MECOM: variants seen among roughly 807,000 people sequenced by gnomAD.
MECOM encodes MDS1 and EVI1 complex locus.
MECOM carries 13 observed loss-of-function variants against 116.3 expected under a neutral mutation model. That is an observed-to-expected ratio of 0.11 (90% CI 0.07 to 0.18). The LOEUF (loss-of-function observed/expected upper bound fraction) is 0.18, where lower values mean the gene tolerates loss of function less well. MECOM is among the 10% of genes least tolerant of loss of function. The pLI, the probability that MECOM is intolerant of heterozygous loss-of-function variation, is 1.00. For synonymous variants in MECOM, 528 were observed against 535.2 expected, an observed-to-expected ratio of 0.99 and a Z score of 0.19; for missense variants, 1,299 against 1,509.0, an observed-to-expected ratio of 0.86 and a Z score of 2.31.
At chr3:169,160,083 T>C (rs1257301675) in intron 2 of MECOM, among the ~76,000 whole-genome samples, 1 of 152,184 alleles carries the variant, frequency 6.6e-6, no homozygotes, top group Non-Finnish European at 1.5e-5. Context: ...CATCTTTATA[T>C]CAAAAGAGAA....
At chr3:169,461,474 C>CTTTATTT (rs1468229275) in intron 1 of MECOM, among the ~76,000 whole-genome samples, 5 of 152,196 alleles carry the variant, frequency 3.3e-5, no homozygotes, top group African/African-American at 9.6e-5. Flanking sequence ...TATACAGAAT[C>CTTTATTT]TTTATTTTTC....
At chr3:169,434,857 ATG>A (rs1432273848) in intron 1 of MECOM, among the ~76,000 whole-genome samples, 1 of 152,182 alleles carries the variant, frequency 6.6e-6, no homozygotes, top group East Asian at 1.9e-4. Context: ...ATCTTTTATG[ATG>A]TGTTACAAGG....
chr3:169,211,232 C>T (rs758370385), intron 2 of MECOM, among the ~76,000 whole-genome samples: 3 of 152,132 alleles, frequency 2.0e-5, no homozygotes, highest in Non-Finnish European at 4.4e-5. Flanking sequence ...TGCGATCTCT[C>T]TCTTTTGAGA....
chr3:169,639,931 C>A (rs1349334151), intron 1 of MECOM, among the ~76,000 whole-genome samples: 1 of 152,068 alleles, frequency 6.6e-6, no homozygotes, highest in Non-Finnish European at 1.5e-5. Flanking sequence ...GCTATGTGTC[C>A]CATTCTGGGC....
At chr3:169,139,979 A>G (rs753590221) in intron 3 of MECOM, among the ~76,000 whole-genome samples, 14 of 151,792 alleles carry the variant, frequency 9.2e-5, no homozygotes, top group Non-Finnish European at 1.8e-4. Flanking sequence ...AAAAAACAAT[A>G]TATCATGTAG....
At chr3:169,474,244 C>CAACA (rs1353635008) in intron 1 of MECOM, among the ~76,000 whole-genome samples, 2 of 152,190 alleles carry the variant, frequency 1.3e-5, no homozygotes, top group African/African-American at 4.8e-5. Context: ...GAGCAAACAA[C>CAACA]AACAAACTTC....
chr3:169,122,711 G>T lies in MECOM; in HGVS notation c.847C>A (p.Leu283Met). The change falls in exon 6 of 17, where the codon CTG becomes ATG. Residue 283 changes from leucine (L) to methionine (M), a missense_variant. Physicochemically the swap from Leu to Met is conservative, Grantham distance 15. Transcript: ENST00000651503. ...TATTCCCTCTCTTCAGTATGTGACAGCATGTGTTTCTCCAGGCTGTTAAGA... is the reference window on the plus strand; with the variant it reads ...TATTCCCTCTCTTCAGTATGTGACATCATGTGTTTCTCCAGGCTGTTAAGA... ...PDLQSLEKHMLSHTEEREYKC... is the reference protein window; with the variant it reads ...PDLQSLEKHMMSHTEEREYKC... The T allele has an allele frequency of 6.2e-7, 1 of 1,613,740 alleles. No homozygotes were observed. The highest frequency in any genetic ancestry group is 8.5e-7 in the Non-Finnish European group (1 of 1,179,732).
intron 1 of MECOM, among the ~76,000 whole-genome samples, chr3:169,589,835 T>C (rs965460746): frequency 6.6e-6 from 1 of 152,224 alleles, no homozygotes; most frequent in African/African-American, 2.4e-5. Flanking sequence ...AACAAATCTG[T>C]GTTCAAATCA....
intron 2 of MECOM, among the ~76,000 whole-genome samples, chr3:169,252,689 G>A (rs1756397093): frequency 6.6e-6 from 1 of 152,098 alleles, no homozygotes; most frequent in African/African-American, 2.4e-5. Flanking sequence ...GGAACTACAA[G>A]TTTATGCGGT....
chr3:169,098,014 C>T (rs959487240), intron 12 of MECOM, among the ~76,000 whole-genome samples: 4 of 151,980 alleles, frequency 2.6e-5, no homozygotes, highest in Non-Finnish European at 4.4e-5. Context: ...GTATCATTTA[C>T]ATACCATTTT....
intron 2 of MECOM, among the ~76,000 whole-genome samples, chr3:169,259,314 A>G (rs1757248164): frequency 6.6e-6 from 1 of 152,216 alleles, no homozygotes; most frequent in Non-Finnish European, 1.5e-5. Flanking sequence ...AGATACCGAC[A>G]CCGGCTCAAA....
At chr3:169,455,351 G>A (rs1392689958) in intron 1 of MECOM, among the ~76,000 whole-genome samples, 4 of 152,170 alleles carry the variant, frequency 2.6e-5, no homozygotes, top group South Asian at 2.1e-4. Context: ...AAAATAAAGT[G>A]TATCTCCGCG....
At chr3:169,553,024 G>T (rs539832352) in intron 1 of MECOM, among the ~76,000 whole-genome samples, 1 of 151,728 alleles carries the variant, frequency 6.6e-6, no homozygotes, top group African/African-American at 2.4e-5. Context: ...TAACTGAAAT[G>T]ACCTCAGAGG....
intron 2 of MECOM, among the ~76,000 whole-genome samples, chr3:169,256,053 T>C (rs1309544324): frequency 6.6e-6 from 1 of 152,208 alleles, no homozygotes; most frequent in African/African-American, 2.4e-5. Flanking sequence ...AAATATTCAT[T>C]CTCTGGTTTT....
chr3:169,509,627 T>C (rs1755711141), intron 1 of MECOM, among the ~76,000 whole-genome samples: 1 of 152,252 alleles, frequency 6.6e-6, no homozygotes, highest in Non-Finnish European at 1.5e-5. Context: ...CTTTTGTCTC[T>C]GGCTTATATC....
chr3:169,634,401 A>G (rs1440684959), intron 1 of MECOM, among the ~76,000 whole-genome samples: 1 of 152,220 alleles, frequency 6.6e-6, no homozygotes, highest in African/African-American at 2.4e-5. Flanking sequence ...CAGGAGCATC[A>G]CAAGTAAGTT....
At chr3:169,268,018 T>G (rs902222043) in intron 2 of MECOM, among the ~76,000 whole-genome samples, 1 of 152,094 alleles carries the variant, frequency 6.6e-6, no homozygotes, top group Non-Finnish European at 1.5e-5. Flanking sequence ...CACAACCAAT[T>G]AGTTATTACG....
chr3:169,660,804 G>T (rs960036853), intron 1 of MECOM, among the ~76,000 whole-genome samples: 1 of 152,292 alleles, frequency 6.6e-6, no homozygotes, highest in Admixed American at 6.5e-5. Flanking sequence ...ACAAAAATCT[G>T]TAGTTTTAAT....
intron 2 of MECOM, among the ~76,000 whole-genome samples, chr3:169,370,853 G>C (rs1255120875): frequency 6.6e-6 from 1 of 151,888 alleles, no homozygotes. Context: ...CCTCTCAGCT[G>C]TTAGAATGAC....
Sources: allele counts gnomAD v4.1 joint callset (sites outside exome capture counted in the v4.1 genomes callset), GRCh38; gene constraint gnomAD v4.1.1; transcripts MANE v1.5; gene names NCBI Gene and HGNC (gene_info 2026-07-23, HGNC 2026-07-21).